The following PCDHA9 variants were observed in gnomAD, a reference collection of about 807,000 sequenced individuals.
PCDHA9 encodes protocadherin alpha 9, also known as protocadherin alpha-9.
PCDHA9 carries 62 observed loss-of-function variants against 62.0 expected under a neutral mutation model. The ratio of observed to expected loss-of-function variants is 1.00; its 90% CI spans 0.81 to 1.23. The LOEUF (loss-of-function observed/expected upper bound fraction) is 1.23, where lower values mean the gene tolerates loss of function less well. PCDHA9 is among the 50% of genes most tolerant of loss of function. The pLI is 0.00. For missense variants in PCDHA9, 1,205 were observed against 1,249.8 expected (o/e 0.96, Z 0.54); for synonymous variants, 557 against 567.6 (o/e 0.98, Z 0.27).
chr5:140,877,467 G>A (rs1554169776), intron 1 of PCDHA9: 1 of 1,613,750 alleles, frequency 6.2e-7, no homozygotes, highest in African/African-American at 1.3e-5. Flanking sequence ...CGGCCACGGT[G>A]CTGGTGTCGC....
intron 1 of PCDHA9, among the ~76,000 whole-genome samples, chr5:140,933,221 G>A (rs952837794): frequency 2.0e-5 from 3 of 151,758 alleles, no homozygotes; most frequent in Non-Finnish European, 4.4e-5. Flanking sequence ...CTGTTATATT[G>A]CATTTATGAA....
Position 140,848,545 on chromosome 5 carries a change from C to A in PCDHA9, c.50C>A (p.Ser17Ter). The change falls in exon 1 of 4, where the codon TCG becomes TAG. Residue 17 changes from serine to a stop codon, truncating the protein, a stop_gained. Coordinates refer to ENST00000532602, the MANE Select transcript of PCDHA9 (RefSeq NM_031857.2). LOFTEE classifies it high-confidence loss of function. ...CCAGAGGGTCAGCCTCTACTGCTCT[C>A]GCTTCTGATCCTCGCAATGTGGGTG... is the stretch of plus-strand genomic sequence containing the variant. ...GDPEGQPLLL[S>*]LLILAMWVVG... 4 of 1,595,440 alleles carry A rather than the reference C, an allele frequency of 2.5e-6. 1 individual carries two copies. Among genetic ancestry groups the A allele is most frequent in the Non-Finnish European group, 3.4e-6 (4 of 1,165,436 alleles).
rs782513442 is a variant in PCDHA9 at position 140,877,300 on chromosome 5, G to C, written c.2394+26411G>C. 7 of 1,613,828 alleles carry C rather than the reference G, an allele frequency of 4.3e-6. No homozygotes were observed. The South Asian group carries it at 4.4e-5, about 10-fold the overall frequency. Reference sequence around the variant, plus strand: ...CGGCTATAACGCTTGGCTGTCCTACGAGTTGCAACCGGCGGCGGTCGGCGC... The same window carrying C: ...CGGCTATAACGCTTGGCTGTCCTACCAGTTGCAACCGGCGGCGGTCGGCGC... On this transcript the variant is annotated intron_variant, in intron 1 of 3. Transcript: ENST00000532602.
At chr5:140,864,373 TAA>T (rs1207632407) in intron 1 of PCDHA9, 1 of 152,248 alleles carries the variant, frequency 6.6e-6, no homozygotes, top group Non-Finnish European at 1.5e-5. Context: ...CTATAATCGA[TAA>T]GTTTATCTCT....
intron 1 of PCDHA9, chr5:140,928,178 G>A: frequency 6.2e-7 from 1 of 1,614,192 alleles, no homozygotes. Context: ...AGCACCCGAA[G>A]GACAATCACT....
At chr5:141,000,513 C>G (rs1258002727) in intron 3 of PCDHA9, among the ~76,000 whole-genome samples, 2 of 143,802 alleles carry the variant, frequency 1.4e-5, no homozygotes, top group African/African-American at 5.2e-5. Context: ...CTGCAACCTC[C>G]TTCTCCAGGG....
At chr5:140,937,824 A>C (rs1229119616) in intron 1 of PCDHA9, among the ~76,000 whole-genome samples, 1 of 151,696 alleles carries the variant, frequency 6.6e-6, no homozygotes, top group African/African-American at 2.4e-5. Flanking sequence ...AGGCAGGAGA[A>C]TGGCATGAAC....
intron 1 of PCDHA9, among the ~76,000 whole-genome samples, chr5:140,964,965 G>GA (rs1296818132): frequency 6.6e-6 from 1 of 152,204 alleles, no homozygotes; most frequent in Non-Finnish European, 1.5e-5. Context: ...TTGGTGGAAC[G>GA]AAGGGATGTG....
intron 1 of PCDHA9, chr5:140,857,853 A>G (rs782574851): frequency 1.3e-6 from 2 of 1,597,574 alleles, no homozygotes; most frequent in East Asian, 2.2e-5. Flanking sequence ...GACTCTGGAT[A>G]CAACGCGTGG....
At chr5:140,852,715 C>T in intron 1 of PCDHA9, 1 of 981,378 alleles carries the variant, frequency 1.0e-6, no homozygotes, top group Non-Finnish European at 1.2e-6. Context: ...TTTGTCTTTG[C>T]ACGTTTTTCA....
chr5:140,969,880 A>G (rs1365035569), intron 1 of PCDHA9, among the ~76,000 whole-genome samples: 2 of 152,238 alleles, frequency 1.3e-5, no homozygotes, highest in Non-Finnish European at 2.9e-5. Flanking sequence ...CCTATGTGAT[A>G]GGATCCTCTG....
intron 1 of PCDHA9, chr5:140,928,138 A>G (rs1554205540): frequency 1.9e-6 from 3 of 1,614,190 alleles, no homozygotes; most frequent in South Asian, 1.1e-5. Context: ...AGTCCTGATC[A>G]CGGCCTCAGA....
At chr5:141,003,307 C>T (rs2153977029) in intron 3 of PCDHA9, among the ~76,000 whole-genome samples, 1 of 152,252 alleles carries the variant, frequency 6.6e-6, no homozygotes. Flanking sequence ...ATGAAGTGGC[C>T]AGCTACTTCC....
chr5:140,993,446 TCTC>T (rs1262965335), intron 3 of PCDHA9, among the ~76,000 whole-genome samples: 4 of 146,376 alleles, frequency 2.7e-5, no homozygotes, highest in Non-Finnish European at 6.0e-5. Flanking sequence ...TCATTCCTGT[TCTC>T]CTTCTTTCTT....
intron 1 of PCDHA9, chr5:140,875,619 T>G (rs369772491): frequency 7.7e-5 from 125 of 1,613,602 alleles, no homozygotes; most frequent in African/African-American, 7.5e-4. Flanking sequence ...GCCGCATCGC[T>G]CAGGACCTGG....
chr5:140,959,646 G>A (rs1222418847), intron 1 of PCDHA9, among the ~76,000 whole-genome samples: 5 of 152,010 alleles, frequency 3.3e-5, no homozygotes, highest in Admixed American at 6.6e-5. Context: ...AAACACAGAA[G>A]CAAAATTGAA....
At chr5:140,870,339 G>C in intron 1 of PCDHA9, 1 of 1,614,182 alleles carries the variant, frequency 6.2e-7, no homozygotes, top group Non-Finnish European at 8.5e-7. Flanking sequence ...ACAGCGCCCT[G>C]GACCGCGAGA....
chr5:140,874,547 G>C (rs2054980934), intron 1 of PCDHA9, among the ~76,000 whole-genome samples: 1 of 152,190 alleles, frequency 6.6e-6, no homozygotes, highest in Non-Finnish European at 1.5e-5. Context: ...AACCCTTTAA[G>C]AGATCTTTCG....
intron 1 of PCDHA9, among the ~76,000 whole-genome samples, chr5:140,910,952 G>A (rs1188072199): frequency 3.3e-5 from 5 of 152,082 alleles, no homozygotes; most frequent in African/African-American, 1.2e-4. Context: ...TTCTTTTCGA[G>A]TGTAGCACAC....
Sources: gnomAD v4.1 joint callset for allele counts (sites outside exome capture counted in the v4.1 genomes callset) on GRCh38, gnomAD v4.1.1 for gene constraint, MANE v1.5 for transcripts, NCBI Gene and HGNC (gene_info 2026-07-23, HGNC 2026-07-21) for gene names.